The following PRKDC variants were observed in gnomAD, a reference collection of about 807,000 sequenced individuals.
PRKDC encodes protein kinase, DNA-activated, catalytic subunit.
A neutral mutation model predicts 486.9 loss-of-function variants in PRKDC; 82 were observed. The ratio of observed to expected loss-of-function variants is 0.17; its 90% CI spans 0.14 to 0.20. PRKDC has a LOEUF of 0.20. Ranked by LOEUF, PRKDC falls within the 10% of genes least tolerant of loss-of-function variation. The pLI is 1.00. For missense variants in PRKDC, 4,504 were observed against 5,038.2 expected (o/e 0.89, Z 3.21); for synonymous variants, 1,895 against 1,837.0 (o/e 1.03, Z -0.81).
In PRKDC at chr8:47,848,109, T is replaced by C. The variant is rs536140821; in HGVS notation, c.7280+1045A>G. ...TCTCAAGGAAGTGAGAGTTGAACTA[T>C]CATTTGATCCAGCAATCCCATTACT... On this transcript the variant is annotated intron_variant, in intron 54 of 85. Coordinates refer to ENST00000314191, the MANE Select transcript of PRKDC (RefSeq NM_006904.7). Among the ~76,000 whole-genome samples, 105 of 152,266 alleles carry C rather than the reference T, an allele frequency of 6.9e-4. No homozygotes were observed. The South Asian group carries it at 0.021, about 31-fold the overall frequency.
rs957163342 is a variant in PRKDC, at chr8:47,836,534, A to G, written c.7762-7T>C. 93 of 1,575,866 alleles carry G rather than the reference A, an allele frequency of 5.9e-5. No homozygotes were observed. Among genetic ancestry groups the G allele is most frequent in the Non-Finnish European group, 7.7e-5 (89 of 1,159,178 alleles). On this transcript the variant is annotated splice_region_variant and splice_polypyrimidine_tract_variant and intron_variant, in intron 57 of 85. Coordinates refer to ENST00000314191, the MANE Select transcript of PRKDC (RefSeq NM_006904.7). ...CAGAATCAATGGTATATTCCTGTAC[A>G]TAAGAAAGTTTCAAATGAAATAAAG... is the stretch of plus-strand genomic sequence containing the variant.
chr8:47,787,549 T>C (rs1001791509), intron 76 of PRKDC, among the ~76,000 whole-genome samples: 1 of 152,260 alleles, frequency 6.6e-6, no homozygotes, highest in African/African-American at 2.4e-5. Flanking sequence ...AAGTTCTGGA[T>C]AGATTTTCTA....
chr8:47,949,710 A>G (rs947380510), intron 7 of PRKDC, among the ~76,000 whole-genome samples: 1 of 152,264 alleles, frequency 6.6e-6, no homozygotes, highest in South Asian at 2.1e-4. Flanking sequence ...GCTTCCTAAG[A>G]GGGGTGACAG....
chr8:47,924,038 T>C (rs944801394), intron 21 of PRKDC, among the ~76,000 whole-genome samples: 1 of 152,220 alleles, frequency 6.6e-6, no homozygotes, highest in Non-Finnish European at 1.5e-5. Context: ...CTTATTTATA[T>C]CTGCACATGC....
chr8:47,925,757 T>G (rs2090146644), intron 21 of PRKDC, among the ~76,000 whole-genome samples: 1 of 152,196 alleles, frequency 6.6e-6, no homozygotes. Context: ...ATGTCCCATG[T>G]AAATATAAAA....
At chr8:47,864,501 C>CA in intron 41 of PRKDC, 55 bp downstream of exon 41, 1 of 1,489,974 alleles carries the variant, frequency 6.7e-7, no homozygotes, top group Non-Finnish European at 9.1e-7. Context: ...AGTGTCTAGG[C>CA]ACACCAGTCA....
At chr8:47,808,852 C>G (rs2087266691) in intron 68 of PRKDC, among the ~76,000 whole-genome samples, 1 of 151,840 alleles carries the variant, frequency 6.6e-6, no homozygotes, top group South Asian at 2.1e-4. Context: ...CCCTGGGCAA[C>G]ATAGTGATAC....
chr8:47,800,945 C>G lies in PRKDC; in HGVS notation c.9964G>C (p.Ala3322Pro). 1 of 1,613,830 alleles carries G rather than the reference C, an allele frequency of 6.2e-7. No individual in the cohort carries two copies. Among genetic ancestry groups the G allele is most frequent in the Non-Finnish European group, 8.5e-7 (1 of 1,179,864 alleles). The change falls in exon 71 of 86, where the codon GCT becomes CCT. Residue 3322 changes from alanine to proline, a missense_variant. Ala to Pro is a conservative substitution (Grantham distance 27, BLOSUM62 -1). This residue lies in a region of PRKDC where 1,592 missense variants were observed against 1,724.6 expected (regional missense o/e 0.92). Transcript: ENST00000314191. ...AAGAGAATGTTCTGGTCACGGAAAG[C>G]CAGAATATTTTTGCTTAAGTAGCTT... ...VSSYLSKNILAFRDQNILLGT... is the reference protein window; with the variant it reads ...VSSYLSKNILPFRDQNILLGT...
At position 47,807,138 on chromosome 8, in the gene PRKDC, T is replaced by C. The variant is rs1302688465; in HGVS notation, c.9746A>G (p.Gln3249Arg). The change falls in exon 69 of 86, where the codon CAG (glutamine) becomes CGG (arginine). Residue 3249 changes from glutamine (Q) to arginine (R), a missense_variant and splice_region_variant. Physicochemically the swap from Gln to Arg is conservative, Grantham distance 43 (BLOSUM62 1). Coordinates refer to ENST00000314191, the MANE Select transcript of PRKDC (RefSeq NM_006904.7). ...KMKMIDSARK[Q>R]NNFSLAMKLL... The stretch of plus-strand genomic sequence containing the variant: ...GGGAGGACAGACACGAGTACCCACC[T>C]GCTTCCGGGCACTGTCTATCATCTT... The C allele has an allele frequency of 4.3e-6, 7 of 1,613,300 alleles. No individual in the cohort carries two copies. Among genetic ancestry groups the C allele is most frequent in the Non-Finnish European group, 5.9e-6 (7 of 1,179,478 alleles).
intron 54 of PRKDC, among the ~76,000 whole-genome samples, chr8:47,846,700 A>T (rs1361778061): frequency 6.6e-6 from 1 of 152,234 alleles, no homozygotes; most frequent in Non-Finnish European, 1.5e-5. Context: ...AAATAGGAAA[A>T]GAAGAAATCA....
chr8:47,872,269 AAAT>A (rs941527399), intron 40 of PRKDC, among the ~76,000 whole-genome samples: 1 of 152,158 alleles, frequency 6.6e-6, no homozygotes, highest in African/African-American at 2.4e-5. Context: ...CTCAAATCAA[AAAT>A]AACATACAAC....
Position 47,955,940 on chromosome 8 carries a change from A to G in PRKDC, c.333T>C (p.Cys111=). 1 of 1,599,772 alleles carries G rather than the reference A, an allele frequency of 6.3e-7. No individual in the cohort carries two copies. Among genetic ancestry groups the G allele is most frequent in the East Asian group, 2.2e-5 (1 of 44,806 alleles). ...APYSVEIKNT[C]TSVYTKDRAA... Reference sequence around the variant, plus strand: ...CTCTATCTTTTGTATAAACACTGGTACAAGTGTTCTAGGTTTTAAAAAAAA... The same window carrying G: ...CTCTATCTTTTGTATAAACACTGGTGCAAGTGTTCTAGGTTTTAAAAAAAA... Residue 111 remains cysteine, a synonymous_variant, in exon 4 of 86, where the codon TGT becomes TGC. Transcript: ENST00000314191.
chr8:47,803,827 A>G (rs922920241), intron 69 of PRKDC, among the ~76,000 whole-genome samples: 5 of 151,778 alleles, frequency 3.3e-5, no homozygotes, highest in Admixed American at 3.3e-4. Flanking sequence ...ACGTGCCTAT[A>G]GTCCCAGCTA....
chr8:47,876,874 T>C (rs1439769402), intron 40 of PRKDC, among the ~76,000 whole-genome samples: 2 of 152,184 alleles, frequency 1.3e-5, no homozygotes, highest in African/African-American at 2.4e-5. Flanking sequence ...GCAATCATCA[T>C]AAATAGAGCT....
Position 47,897,211 on chromosome 8 carries a change from C to T in PRKDC, c.3548G>A (p.Cys1183Tyr). Residue 1183 changes from cysteine (C) to tyrosine (Y), a missense_variant, in exon 30 of 86, where the codon TGT (cysteine) becomes TAT (tyrosine). Around this residue, in one of 6 missense-constraint regions of PRKDC, gnomAD observed 1,969 missense variants for 2,068.9 expected, o/e 0.95. Transcript: ENST00000314191. Reference protein sequence around the residue: ...LAHCGRPQTECRHKSIELFYK... With the variant: ...LAHCGRPQTEYRHKSIELFYK... Reference sequence around the variant, plus strand: ...AAAGAGTTCAATGGATTTGTGTCGACATTCTGTCTGGGGCCTCCCACAATG... The same window carrying T: ...AAAGAGTTCAATGGATTTGTGTCGATATTCTGTCTGGGGCCTCCCACAATG... The T allele has an allele frequency of 1.2e-6, 2 of 1,608,372 alleles. No homozygotes were observed. The highest frequency in any genetic ancestry group is 1.7e-6 in the Non-Finnish European group (2 of 1,175,386).
intron 15 of PRKDC, among the ~76,000 whole-genome samples, chr8:47,933,554 A>G (rs1428120993): frequency 6.6e-6 from 1 of 152,248 alleles, no homozygotes; most frequent in Non-Finnish European, 1.5e-5. Context: ...GTGTACATGT[A>G]AGTACATGCA....
intron 73 of PRKDC, among the ~76,000 whole-genome samples, chr8:47,796,577 C>T (rs1219024910): frequency 2.0e-5 from 3 of 151,182 alleles, no homozygotes; most frequent in Admixed American, 6.6e-5. Context: ...GTGTTGCAAA[C>T]GTTTTTCTTC....
intron 21 of PRKDC, among the ~76,000 whole-genome samples, chr8:47,922,673 T>C (rs1462223752): frequency 6.6e-6 from 1 of 152,188 alleles, no homozygotes; most frequent in Non-Finnish European, 1.5e-5. Context: ...GACATTTTCA[T>C]GTCTGGATCT....
chr8:47,786,782 T>G (rs558546740), intron 76 of PRKDC, among the ~76,000 whole-genome samples: 2 of 122,028 alleles, frequency 1.6e-5, no homozygotes, highest in Non-Finnish European at 3.2e-5. Context: ...CAGGCTAGAG[T>G]GCGGTGGTGC....
Sources: gnomAD v4.1 joint callset for allele counts (sites outside exome capture counted in the v4.1 genomes callset) on GRCh38, gnomAD v4.1.1 for gene constraint, gnomAD v4.1.1 regional missense constraint, MANE v1.5 for transcripts, NCBI Gene and HGNC (gene_info 2026-07-23, HGNC 2026-07-21) for gene names.